TBC1D23: variants seen among roughly 807,000 people sequenced by gnomAD.
TBC1D23 encodes the protein TBC1 domain family member 23.
A neutral mutation model predicts 91.4 loss-of-function variants in TBC1D23; 55 were observed. The ratio of observed to expected loss-of-function variants is 0.60; its 90% CI spans 0.48 to 0.75. The LOEUF (loss-of-function observed/expected upper bound fraction) is 0.75. Among genes scored for constraint, TBC1D23 ranks in the 30% least tolerant of loss-of-function variants. The probability of loss-of-function intolerance (pLI) is 0.00; values close to 1 mark genes in which losing one functional copy is unlikely to be tolerated. For missense variants in TBC1D23, 725 were observed against 836.1 expected, an observed-to-expected ratio of 0.87 and a Z score of 1.64; for synonymous variants, 289 against 281.0, an observed-to-expected ratio of 1.03 and a Z score of -0.28.
At chr3:100,300,238 A>T (rs746018267) in intron 10 of TBC1D23, among the ~76,000 whole-genome samples, 1 of 152,202 alleles carries the variant, frequency 6.6e-6, no homozygotes, top group Non-Finnish European at 1.5e-5. Flanking sequence ...TGGGGAACAC[A>T]GGAATGGGAT....
intron 1 of TBC1D23, among the ~76,000 whole-genome samples, chr3:100,276,820 CAG>C (rs2067652407): frequency 6.6e-6 from 1 of 152,216 alleles, no homozygotes; most frequent in Non-Finnish European, 1.5e-5. Context: ...TTCAAAGTCA[CAG>C]AGTCAGGAGG....
At chr3:100,305,960 T>G (rs1214963142) in intron 12 of TBC1D23, among the ~76,000 whole-genome samples, 1 of 152,214 alleles carries the variant, frequency 6.6e-6, no homozygotes, top group South Asian at 2.1e-4. Context: ...AGAAAATTTT[T>G]TAAAACCATG....
At position 100,319,156 on chromosome 3, in the gene TBC1D23, A is replaced by T; in HGVS notation, c.1775A>T (p.His592Leu). 6.2e-7 allele frequency: 1 copy of T among 1,610,704 alleles called. No individual in the cohort carries two copies. Among genetic ancestry groups the T allele is most frequent in the Non-Finnish European group, 8.5e-7 (1 of 1,178,222 alleles). ...QTWINKPDVKHHFPCKEVKES... is the reference protein window; with the variant it reads ...QTWINKPDVKLHFPCKEVKES... ...TGGATAAACAAACCAGATGTCAAAC[A>T]TCATTTTCCTTGTAAAGAAGTAAAA... Residue 592 changes from histidine (H) to leucine (L), a missense_variant, in exon 17 of 19, where the codon CAT (histidine) becomes CTT (leucine). Coordinates refer to ENST00000394144, the MANE Select transcript of TBC1D23 (RefSeq NM_001199198.3).
intron 17 of TBC1D23, among the ~76,000 whole-genome samples, chr3:100,319,970 C>T (rs1705821080): frequency 6.6e-6 from 1 of 152,142 alleles, no homozygotes; most frequent in Non-Finnish European, 1.5e-5. Flanking sequence ...ATTTAACATA[C>T]AGATCATACC....
intron 12 of TBC1D23, 22 bp downstream of exon 12, chr3:100,304,910 T>A: frequency 7.6e-7 from 1 of 1,320,052 alleles, no homozygotes; most frequent in Non-Finnish European, 1.1e-6. Flanking sequence ...ATTTATTAGT[T>A]TTTTTCCTCT....
intron 1 of TBC1D23, chr3:100,267,311 AG>A (rs1272984236): frequency 1.4e-5 from 6 of 425,590 alleles, no homozygotes; most frequent in Non-Finnish European, 2.3e-5. Flanking sequence ...AGAATTTAAG[AG>A]CCACTTAAAC....
At chr3:100,323,532 T>A in intron 18 of TBC1D23, 55 bp from the exon 19 acceptor site, 1 of 884,062 alleles carries the variant, frequency 1.1e-6, no homozygotes, top group Non-Finnish European at 1.5e-6. Context: ...TATTTTTATA[T>A]ACATATACAT....
At chr3:100,311,672 G>A (rs1358295564) in intron 14 of TBC1D23, among the ~76,000 whole-genome samples, 161 bp from the exon 15 acceptor site, 4 of 152,114 alleles carry the variant, frequency 2.6e-5, no homozygotes, top group Non-Finnish European at 2.9e-5. Context: ...GTTGAAATTG[G>A]CTTTTCTTTG....
chr3:100,301,232 C>T (rs1401262238), intron 10 of TBC1D23, among the ~76,000 whole-genome samples: 2 of 139,150 alleles, frequency 1.4e-5, no homozygotes, highest in Non-Finnish European at 3.0e-5. Context: ...GAGATCGCAC[C>T]AGTGCACTCC....
At chr3:100,301,940 T>G in intron 10 of TBC1D23, 127 bp from the exon 11 acceptor site, 1 of 629,586 alleles carries the variant, frequency 1.6e-6, no homozygotes. Flanking sequence ...TATAAGAGCC[T>G]TTTTTTCCCC....
At chr3:100,314,777 C>T (rs1408739383) in intron 15 of TBC1D23, among the ~76,000 whole-genome samples, 1 of 152,094 alleles carries the variant, frequency 6.6e-6, no homozygotes, top group East Asian at 1.9e-4. Flanking sequence ...GACCCTGGCT[C>T]TAAAATACTA....
intron 3 of TBC1D23, 67 bp downstream of exon 3, chr3:100,281,914 T>A: frequency 1.2e-6 from 1 of 859,182 alleles, no homozygotes; most frequent in Non-Finnish European, 1.9e-6. Flanking sequence ...GAGGAATCAC[T>A]CTTCAGAATA....
chr3:100,321,243 T>G (rs1040624098), intron 18 of TBC1D23, among the ~76,000 whole-genome samples: 2 of 152,238 alleles, frequency 1.3e-5, no homozygotes, highest in African/African-American at 4.8e-5. Context: ...CTGCACTAAT[T>G]GCTGGCTTGC....
intron 1 of TBC1D23, among the ~76,000 whole-genome samples, chr3:100,273,097 C>T (rs184987018): frequency 6.6e-6 from 1 of 152,330 alleles, no homozygotes; most frequent in East Asian, 1.9e-4. Flanking sequence ...GGCCATATTT[C>T]AGACTATCAC....
chr3:100,320,848 T>C lies in TBC1D23; in HGVS notation c.1895T>C (p.Ile632Thr). The change falls in exon 18 of 19, where the codon ATA becomes ACA. Residue 632 changes from isoleucine (I) to threonine (T), a missense_variant. Ile to Thr is a moderately conservative substitution (Grantham distance 89, BLOSUM62 -1). Coordinates refer to ENST00000394144, the MANE Select transcript of TBC1D23 (RefSeq NM_001199198.3). ...EIVSRKGLAY[I>T]QSRQALNSVV... ...GTTTCACGGAAAGGATTGGCTTATATACAGTCTCGACAAGCGCTGAATTCT... is the reference window on the plus strand; with the variant it reads ...GTTTCACGGAAAGGATTGGCTTATACACAGTCTCGACAAGCGCTGAATTCT... 1 of 1,613,414 alleles carries C rather than the reference T, an allele frequency of 6.2e-7. No individual in the cohort carries two copies. Among genetic ancestry groups the C allele is most frequent in the Non-Finnish European group, 8.5e-7 (1 of 1,179,588 alleles).
At chr3:100,274,894 A>ACAC (rs2067634467) in intron 1 of TBC1D23, among the ~76,000 whole-genome samples, 1 of 131,898 alleles carries the variant, frequency 7.6e-6, no homozygotes, top group East Asian at 2.1e-4. Context: ...TACAGTACAC[A>ACAC]CCCCCCCCCT....
chr3:100,272,044 A>C (rs964922255), intron 1 of TBC1D23, among the ~76,000 whole-genome samples: 1 of 151,616 alleles, frequency 6.6e-6, no homozygotes, highest in Non-Finnish European at 1.5e-5. Context: ...ATCCACAGGG[A>C]GTATGGGGAG....
chr3:100,278,834 A>G (rs147793859), intron 1 of TBC1D23, among the ~76,000 whole-genome samples: 6 of 152,300 alleles, frequency 3.9e-5, no homozygotes, highest in African/African-American at 1.4e-4. Flanking sequence ...CTGCTTGGTA[A>G]TTTACTTGAT....
rs3772698 is a variant in TBC1D23, at chr3:100,296,302, G to T, written c.876+27G>T. 0.56 allele frequency: 686,388 copies of T among 1,226,340 alleles called. 194,438 individuals are homozygous for T. The highest frequency in any genetic ancestry group is 0.59 in the Admixed American group (27,367 of 46,142). 76.0% of individuals were successfully genotyped at this position (1,226,340 alleles called of 1,614,324 possible). On this transcript the variant is annotated intron_variant, in intron 8 of 18. Coordinates refer to ENST00000394144, the MANE Select transcript of TBC1D23 (RefSeq NM_001199198.3). The stretch of plus-strand genomic sequence containing the variant: ...TATAAGACCAGAAATGACCAACTAT[G>T]TTGTATTTCATATTTTGTACATTGT...
Sources: gnomAD v4.1 joint callset for allele counts (sites outside exome capture counted in the v4.1 genomes callset) on GRCh38, gnomAD v4.1.1 for gene constraint, MANE v1.5 for transcripts, NCBI Gene and HGNC (gene_info 2026-07-23, HGNC 2026-07-21) for gene names.